Variants in MALRD1 observed in about 807,000 individuals in gnomAD.
The protein encoded by MALRD1 is MAM and LDL receptor class A domain containing 1.
MALRD1 carries 247 observed loss-of-function variants against 242.1 expected under a neutral mutation model. That is an observed-to-expected ratio of 1.02 (90% CI 0.92 to 1.13). MALRD1 has a LOEUF of 1.13. MALRD1 is among the 50% of genes most tolerant of loss of function. MALRD1 has a pLI of 0.00. For missense variants in MALRD1, 2,989 were observed against 2,533.1 expected (o/e 1.18, Z -3.86); for synonymous variants, 995 against 866.6 (o/e 1.15, Z -2.60).
intron 31 of MALRD1, among the ~76,000 whole-genome samples, chr10:19,506,151 A>G (rs992834452): frequency 3.3e-5 from 5 of 152,190 alleles, no homozygotes; most frequent in Non-Finnish European, 7.3e-5. Context: ...CATCCTCCCA[A>G]TCACAGAAGT....
chr10:19,341,793 G>A (rs1392879932), intron 24 of MALRD1, among the ~76,000 whole-genome samples: 1 of 151,782 alleles, frequency 6.6e-6, no homozygotes, highest in Non-Finnish European at 1.5e-5. Flanking sequence ...AAAAAACAAA[G>A]ACATTTTTAA....
intron 36 of MALRD1, among the ~76,000 whole-genome samples, chr10:19,622,586 T>TA (rs1216410217): frequency 1.3e-5 from 2 of 149,590 alleles, no homozygotes; most frequent in African/African-American, 4.9e-5. Context: ...TTCATAGGGG[T>TA]AAACAATTAG....
intron 33 of MALRD1, among the ~76,000 whole-genome samples, chr10:19,592,313 C>T (rs188340351): frequency 3.3e-5 from 5 of 152,328 alleles, no homozygotes; most frequent in East Asian, 1.9e-4. Context: ...GAGGCTCAGC[C>T]GATACCACGG....
At chr10:19,140,490 A>G (rs1833497957) in intron 10 of MALRD1, among the ~76,000 whole-genome samples, 1 of 151,642 alleles carries the variant, frequency 6.6e-6, no homozygotes, top group Non-Finnish European at 1.5e-5. Context: ...TCCAGCCAAA[A>G]CAACTGAAGT....
At chr10:19,451,413 C>G (rs1282123265) in intron 29 of MALRD1, among the ~76,000 whole-genome samples, 1 of 151,936 alleles carries the variant, frequency 6.6e-6, no homozygotes, top group Admixed American at 6.6e-5. Flanking sequence ...CACTTAGATT[C>G]TCTTTACAAA....
At chr10:19,524,678 A>C (rs1233997171) in intron 31 of MALRD1, among the ~76,000 whole-genome samples, 1 of 152,032 alleles carries the variant, frequency 6.6e-6, no homozygotes, top group African/African-American at 2.4e-5. Context: ...CATAATGCAC[A>C]GCATTTTTAA....
intron 38 of MALRD1, among the ~76,000 whole-genome samples, chr10:19,720,411 G>A (rs1834687926): frequency 6.6e-6 from 1 of 152,180 alleles, no homozygotes; most frequent in South Asian, 2.1e-4. Context: ...ACAGTAACAG[G>A]ATCCACAAAA....
chr10:19,172,405 A>G (rs1486303337), intron 13 of MALRD1, among the ~76,000 whole-genome samples: 1 of 151,722 alleles, frequency 6.6e-6, no homozygotes, highest in Non-Finnish European at 1.5e-5. Flanking sequence ...ATAATTATGA[A>G]TTTAACTATG....
intron 26 of MALRD1, among the ~76,000 whole-genome samples, chr10:19,375,713 A>T (rs1399638167): frequency 6.6e-6 from 1 of 152,204 alleles, no homozygotes; most frequent in African/African-American, 2.4e-5. Flanking sequence ...CTTCCTTGAA[A>T]GCCACACGCT....
At chr10:19,314,940 T>C (rs1842581108) in intron 21 of MALRD1, among the ~76,000 whole-genome samples, 1 of 150,016 alleles carries the variant, frequency 6.7e-6, no homozygotes, top group Non-Finnish European at 1.5e-5. Flanking sequence ...ATTCACTTTA[T>C]CAAGAAAATC....
intron 1 of MALRD1, among the ~76,000 whole-genome samples, chr10:19,055,255 T>C (rs1198170034): frequency 6.6e-6 from 1 of 152,224 alleles, no homozygotes; most frequent in Non-Finnish European, 1.5e-5. Flanking sequence ...GATATTATTT[T>C]CTTGCTATGA....
intron 19 of MALRD1, among the ~76,000 whole-genome samples, chr10:19,265,481 A>C (rs1277096522): frequency 1.3e-5 from 2 of 151,910 alleles, no homozygotes; most frequent in African/African-American, 4.8e-5. Context: ...TCTTTGACCT[A>C]CTGGTTTTTA....
intron 30 of MALRD1, 48 bp downstream of exon 30, chr10:19,491,693 C>T (rs1427498568): frequency 1.3e-6 from 2 of 1,527,164 alleles, no homozygotes; most frequent in Non-Finnish European, 1.8e-6. Context: ...CAGATATTTT[C>T]CTTCATAAGT....
rs1176986370 is a variant in MALRD1, at chr10:19,149,076, C to CTAT, written c.1558+2732_1558+2733insTAT. ...GCAGCTTTTAAATCTGTCTATCTGT[C>CTAT]CATCTATCTATCTATCTATCTATCT... On this transcript the variant is annotated intron_variant, in intron 11 of 39. Coordinates refer to ENST00000454679, the MANE Select transcript of MALRD1 (RefSeq NM_001142308.3). Among the ~76,000 whole-genome samples the CTAT allele has an allele frequency of 7.3e-3, 1,007 of 137,618 alleles. 5 individuals carry two copies. Among genetic ancestry groups the CTAT allele is most frequent in the African/African-American group, 0.026 (911 of 34,754 alleles). The allele number at this position is 137,618 out of a possible 152,430, so 90.3% of individuals were successfully genotyped here. A position where few individuals can be genotyped will look rare whatever the true frequency, so the allele number is the denominator to read the frequency against.
intron 12 of MALRD1, among the ~76,000 whole-genome samples, chr10:19,160,950 GTC>G (rs1170471296): frequency 1.3e-5 from 2 of 151,228 alleles, no homozygotes; most frequent in African/African-American, 4.9e-5. Context: ...GGTTTTTTGT[GTC>G]TCTATTTCCT....
rs1588956920 is a variant in MALRD1 at position 19,354,791 on chromosome 10, T to G, written c.4441+2494T>G. 3.9e-5 allele frequency among the ~76,000 whole-genome samples: 6 copies of G among 152,250 alleles called. No individual in the cohort carries two copies. The South Asian group carries it at 1.2e-3, about 32-fold the overall frequency. ...TTAAAAAAATGATAAATGTTTGAGG[T>G]GATGGTTATCCCAATTACCCTGATT... On this transcript the variant is annotated intron_variant, in intron 26 of 39. Coordinates refer to ENST00000454679, the MANE Select transcript of MALRD1 (RefSeq NM_001142308.3).
intron 32 of MALRD1, among the ~76,000 whole-genome samples, chr10:19,543,772 CTCCCTA>C (rs1835087746): frequency 6.6e-6 from 1 of 152,132 alleles, no homozygotes; most frequent in Middle Eastern, 3.2e-3. Context: ...TATCAACTTA[CTCCCTA>C]TCCCTGTTTT....
chr10:19,687,944 TTA>T (rs1842652988), intron 36 of MALRD1, among the ~76,000 whole-genome samples: 1 of 150,880 alleles, frequency 6.6e-6, no homozygotes, highest in African/African-American at 2.4e-5. Context: ...TTATGTTATG[TTA>T]TGTTATGTTA....
At chr10:19,341,156 CTGTTTT>C (rs1843830101) in intron 24 of MALRD1, among the ~76,000 whole-genome samples, 1 of 151,894 alleles carries the variant, frequency 6.6e-6, no homozygotes, top group Admixed American at 6.6e-5. Context: ...AACTTTCTCT[CTGTTTT>C]TATGAATTGA....
Sources: allele counts gnomAD v4.1 joint callset (sites outside exome capture counted in the v4.1 genomes callset), GRCh38; gene constraint gnomAD v4.1.1; transcripts MANE v1.5; gene names NCBI Gene and HGNC (gene_info 2026-07-23, HGNC 2026-07-21).